Variants in SLC6A5 observed in about 807,000 individuals in gnomAD.
SLC6A5 encodes solute carrier family 6 member 5.
Under a neutral mutation model 90.5 loss-of-function variants are expected in SLC6A5, and 58 were observed. The ratio of observed to expected loss-of-function variants is 0.64; its 90% CI spans 0.52 to 0.80. The LOEUF (loss-of-function observed/expected upper bound fraction) is 0.80. Ranked by LOEUF, SLC6A5 falls within the 30% of genes least tolerant of loss-of-function variation. The pLI, the probability that SLC6A5 is intolerant of heterozygous loss-of-function variation, is 0.00. For missense variants in SLC6A5, 1,015 were observed against 1,017.6 expected (o/e 1.00, Z 0.03); for synonymous variants, 427 against 401.4 (o/e 1.06, Z -0.76).
chr11:20,601,048 C>A, intron 1 of SLC6A5, 81 bp from the exon 2 acceptor site: 2 of 1,423,368 alleles, frequency 1.4e-6, no homozygotes, highest in Non-Finnish European at 1.9e-6. Context: ...ACCTGAGTTG[C>A]GAACGTCTCC....
intron 5 of SLC6A5, among the ~76,000 whole-genome samples, chr11:20,609,555 T>C (rs1852656184): frequency 6.6e-6 from 1 of 152,200 alleles, no homozygotes; most frequent in African/African-American, 2.4e-5. Flanking sequence ...AATGGTCATA[T>C]TGAGCAAGCC....
Position 20,652,305 on chromosome 11 carries a change from G to C in SLC6A5, c.2087G>C (p.Ser696Thr). 1.9e-6 allele frequency: 3 copies of C among 1,614,112 alleles called. No individual in the cohort carries two copies. Among genetic ancestry groups the C allele is most frequent in the Non-Finnish European group, 2.5e-6 (3 of 1,180,032 alleles). The stretch of plus-strand genomic sequence containing the variant: ...TCTTTCCAGTTTATCCTTTGCTTCA[G>C]CTTTTACCAGTGGGAGCCCATGACC... ...PTILTFILCFSFYQWEPMTYG... is the reference protein window; with the variant it reads ...PTILTFILCFTFYQWEPMTYG... The change falls in exon 15 of 16, where the codon AGC (serine) becomes ACC (threonine). Residue 696 changes from serine to threonine, a missense_variant. Ser to Thr is a moderately conservative substitution (Grantham distance 58, BLOSUM62 1). This residue lies in a region of SLC6A5 where 442 missense variants were observed against 494.3 expected (regional missense o/e 0.89). Transcript: ENST00000525748.
In SLC6A5 at chr11:20,601,437, G is replaced by A. The variant is rs1852474212; in HGVS notation, c.312G>A (p.Gln104=). ...LRDLREAQGA[Q]ASPPPGSSGP... ...ACTTGAGAGAGGCGCAAGGCGCGCA[G>A]GCCTCGCCCCCTCCCGGGAGCTCCG... Residue 104 remains glutamine (Q), a synonymous_variant, in exon 2 of 16, where the codon CAG becomes CAA. Coordinates refer to ENST00000525748, the MANE Select transcript of SLC6A5 (RefSeq NM_004211.5). 1 of 1,606,918 alleles carries A rather than the reference G, an allele frequency of 6.2e-7. No homozygotes were observed. Among genetic ancestry groups the A allele is most frequent in the African/African-American group, 1.3e-5 (1 of 74,952 alleles).
At position 20,657,802 on chromosome 11, in the gene SLC6A5, A is replaced by G. The variant is rs1274835626; in HGVS notation, c.*2934A>G. The stretch of plus-strand genomic sequence containing the variant: ...CTGTCATATCCTTAGAGGAGAAAAA[A>G]TGTATATTTCTTAACAAGTGGTGTT... On this transcript the variant is annotated 3_prime_UTR_variant, in exon 16 of 16. Coordinates refer to ENST00000525748, the MANE Select transcript of SLC6A5 (RefSeq NM_004211.5). The G allele has an allele frequency of 6.6e-6, 1 of 152,244 alleles. No individual in the cohort carries two copies. Among genetic ancestry groups the G allele is most frequent in the African/African-American group, 2.4e-5 (1 of 41,460 alleles). The allele number at this position is 152,244 out of a possible 1,614,324, so 9.4% of individuals were successfully genotyped here. A position where few individuals can be genotyped will look rare whatever the true frequency, so the allele number is the denominator to read the frequency against.
At chr11:20,601,005 A>G in intron 1 of SLC6A5, 124 bp from the exon 2 acceptor site, 2 of 948,826 alleles carry the variant, frequency 2.1e-6, no homozygotes, top group Non-Finnish European at 3.0e-6. Context: ...AAAAGTTCAG[A>G]TTCCAATTTG....
chr11:20,646,199 A>T (rs1853411721), intron 13 of SLC6A5, among the ~76,000 whole-genome samples: 1 of 152,216 alleles, frequency 6.6e-6, no homozygotes, highest in Non-Finnish European at 1.5e-5. Context: ...GGGCCATGAG[A>T]GTAACCATCT....
chr11:20,603,152 G>C (rs898202508), intron 2 of SLC6A5, among the ~76,000 whole-genome samples: 3 of 152,186 alleles, frequency 2.0e-5, no homozygotes, highest in African/African-American at 7.2e-5. Context: ...AGCTGCTGCT[G>C]TGTCCTGCAC....
At chr11:20,630,608 G>A (rs1853089866) in intron 9 of SLC6A5, 83 bp from the exon 10 acceptor site, 1 of 1,488,184 alleles carries the variant, frequency 6.7e-7, no homozygotes, top group African/African-American at 1.4e-5. Context: ...CAAACATGTG[G>A]GCACACATTT....
At chr11:20,620,665 TAGAG>T (rs749354548) in intron 7 of SLC6A5, among the ~76,000 whole-genome samples, 1 of 152,152 alleles carries the variant, frequency 6.6e-6, no homozygotes, top group Non-Finnish European at 1.5e-5. Context: ...TCCCATTTTG[TAGAG>T]AGAGAGACTG....
chr11:20,641,495 C>T (rs543585254), intron 13 of SLC6A5, among the ~76,000 whole-genome samples: 23 of 150,626 alleles, frequency 1.5e-4, no homozygotes, highest in African/African-American at 2.8e-4. Flanking sequence ...AAGTACAAAA[C>T]CCCCCAAAAA....
chr11:20,634,549 G>A (rs1469956939), intron 10 of SLC6A5, among the ~76,000 whole-genome samples: 5 of 152,180 alleles, frequency 3.3e-5, no homozygotes, highest in South Asian at 2.1e-4. Context: ...TCGGCTTTAC[G>A]GGCCTGACTG....
chr11:20,602,337 G>T (rs962622237), intron 2 of SLC6A5, among the ~76,000 whole-genome samples: 5 of 152,088 alleles, frequency 3.3e-5, no homozygotes, highest in African/African-American at 1.2e-4. Context: ...ATCCCCTCTT[G>T]CATTTGATCC....
chr11:20,601,252 G>T lies in SLC6A5; in HGVS notation c.127G>T (p.Ala43Ser). Reference protein sequence around the residue: ...RTSPEQELPAAAAPPPPRVPR... With the variant: ...RTSPEQELPASAAPPPPRVPR... ...GAGCCCGGAGCAGGAGCTTCCCGCG[G>T]CTGCCGCCCCGCCGCCGCCACGTGT... Residue 43 changes from alanine (A) to serine (S), a missense_variant, in exon 2 of 16, where the codon GCT becomes TCT. Around this residue, in one of 3 missense-constraint regions of SLC6A5, gnomAD observed 567 missense variants for 507.3 expected, o/e 1.12. Coordinates refer to ENST00000525748, the MANE Select transcript of SLC6A5 (RefSeq NM_004211.5). 3 of 1,583,808 alleles carry T rather than the reference G, an allele frequency of 1.9e-6. No homozygotes were observed. The highest frequency in any genetic ancestry group is 2.6e-6 in the Non-Finnish European group (3 of 1,172,636).
intron 7 of SLC6A5, among the ~76,000 whole-genome samples, chr11:20,620,406 A>C (rs1188712474): frequency 6.6e-6 from 1 of 152,232 alleles, no homozygotes; most frequent in African/African-American, 2.4e-5. Context: ...AATAGTGCAT[A>C]ATACTTAGGA....
chr11:20,613,780 C>A (rs558311028), intron 5 of SLC6A5, among the ~76,000 whole-genome samples: 4 of 151,218 alleles, frequency 2.6e-5, no homozygotes, highest in African/African-American at 9.7e-5. Context: ...CTGCCTCAGC[C>A]TCCCAAGTAT....
Position 20,607,582 on chromosome 11 carries a change from A to G in SLC6A5, c.915A>G (p.Val305=). The G allele has an allele frequency of 6.2e-7, 1 of 1,614,150 alleles. No individual in the cohort carries two copies. Among genetic ancestry groups the G allele is most frequent in the East Asian group, 2.2e-5 (1 of 44,878 alleles). Residue 305 remains valine (V), a synonymous_variant, in exon 5 of 16, where the codon GTA becomes GTG. Coordinates refer to ENST00000525748, the MANE Select transcript of SLC6A5 (RefSeq NM_004211.5). ...LFYLFASFVS[V]LPWGSCNNPW... ...ACCTGTTTGCCTCCTTTGTGTCTGT[A>G]CTACCCTGGGGCTCCTGCAACAACC... is the stretch of plus-strand genomic sequence containing the variant.
intron 12 of SLC6A5, 35 bp from the exon 13 acceptor site, chr11:20,638,424 C>T (rs376558219): frequency 5.2e-5 from 67 of 1,285,776 alleles, no homozygotes; most frequent in Admixed American, 1.3e-4. Context: ...GGCTTCAGGA[C>T]GCATTTGATA....
chr11:20,619,449 G>A (rs1355734200), intron 7 of SLC6A5, among the ~76,000 whole-genome samples: 1 of 152,188 alleles, frequency 6.6e-6, no homozygotes, highest in Non-Finnish European at 1.5e-5. Context: ...TGAGGCAGGT[G>A]GTATGCCTTA....
chr11:20,640,946 A>G (rs940886746), intron 13 of SLC6A5, among the ~76,000 whole-genome samples: 1 of 152,206 alleles, frequency 6.6e-6, no homozygotes, highest in East Asian at 1.9e-4. Context: ...AATAATCTCT[A>G]GATTCTAGAG....
Sources: gnomAD v4.1 joint callset for allele counts (sites outside exome capture counted in the v4.1 genomes callset) on GRCh38, gnomAD v4.1.1 for gene constraint, gnomAD v4.1.1 regional missense constraint, MANE v1.5 for transcripts, NCBI Gene and HGNC (gene_info 2026-07-23, HGNC 2026-07-21) for gene names.